The following CSMD3 variants were observed in gnomAD, a reference collection of about 807,000 sequenced individuals.
The protein encoded by CSMD3 is CUB and sushi domain-containing protein 3.
A neutral mutation model predicts 435.2 loss-of-function variants in CSMD3; 177 were observed. The ratio of observed to expected loss-of-function variants is 0.41; its 90% CI spans 0.36 to 0.46. The LOEUF (loss-of-function observed/expected upper bound fraction) is 0.46, where lower values mean the gene tolerates loss of function less well. Ranked by LOEUF, CSMD3 falls within the 20% of genes least tolerant of loss-of-function variation. CSMD3 has a pLI of 0.34. For synonymous variants in CSMD3, 1,656 were observed against 1,520.5 expected, an observed-to-expected ratio of 1.09 and a Z score of -2.07; for missense variants, 4,265 against 4,504.6, an observed-to-expected ratio of 0.95 and a Z score of 1.52.
intron 11 of CSMD3, among the ~76,000 whole-genome samples, chr8:112,853,780 T>C (rs1177152399): frequency 6.6e-6 from 1 of 152,230 alleles, no homozygotes; most frequent in African/African-American, 2.4e-5. Context: ...TTGAAAGCAA[T>C]ACTGTGCTAA....
At chr8:113,085,605 G>T (rs1303434743) in intron 5 of CSMD3, among the ~76,000 whole-genome samples, 4 of 152,096 alleles carry the variant, frequency 2.6e-5, no homozygotes, top group African/African-American at 9.7e-5. Flanking sequence ...CCATAAAAAA[G>T]AATGAAATCC....
At chr8:112,330,205 T>C (rs1389452111) in intron 45 of CSMD3, among the ~76,000 whole-genome samples, 1 of 152,128 alleles carries the variant, frequency 6.6e-6, no homozygotes, top group Non-Finnish European at 1.5e-5. Flanking sequence ...AAACACAGCA[T>C]TTATTGTAAA....
chr8:112,892,635 C>G (rs1208940696), intron 10 of CSMD3, among the ~76,000 whole-genome samples: 1 of 151,498 alleles, frequency 6.6e-6, no homozygotes, highest in Non-Finnish European at 1.5e-5. Context: ...ACTTACTGTT[C>G]TCACTGCTTG....
chr8:112,913,939 G>C (rs1587656696), intron 10 of CSMD3, among the ~76,000 whole-genome samples: 1 of 151,956 alleles, frequency 6.6e-6, no homozygotes, highest in Non-Finnish European at 1.5e-5. Flanking sequence ...GTGATATATA[G>C]TAATGCATAC....
At chr8:113,394,906 G>A (rs1170732182) in intron 1 of CSMD3, among the ~76,000 whole-genome samples, 1 of 152,132 alleles carries the variant, frequency 6.6e-6, no homozygotes, top group Admixed American at 6.5e-5. Context: ...TTTTGTCCTA[G>A]AGGACGACTG....
At chr8:113,257,087 A>C (rs2093387405) in intron 3 of CSMD3, among the ~76,000 whole-genome samples, 1 of 152,148 alleles carries the variant, frequency 6.6e-6, no homozygotes, top group East Asian at 1.9e-4. Context: ...TAAGTGTTTA[A>C]CAACTGGCTC....
intron 7 of CSMD3, among the ~76,000 whole-genome samples, chr8:112,964,580 C>T (rs193030695): frequency 6.6e-6 from 1 of 152,038 alleles, no homozygotes; most frequent in East Asian, 1.9e-4. Flanking sequence ...AAATAATCAT[C>T]TAGTCCTTTT....
intron 11 of CSMD3, among the ~76,000 whole-genome samples, chr8:112,846,966 GAGCTACTTTTCT>G (rs957225071): frequency 5.1e-4 from 77 of 152,162 alleles, no homozygotes; most frequent in African/African-American, 1.3e-3. Context: ...ATAGTGACCA[GAGCTACTTTTCT>G]TGGCTTGGGG....
chr8:112,598,355 G>C (rs200172862), intron 22 of CSMD3, among the ~76,000 whole-genome samples: 2 of 151,458 alleles, frequency 1.3e-5, no homozygotes, highest in Non-Finnish European at 2.9e-5. Context: ...ACCACTTCTC[G>C]AAGAAATAAA....
intron 13 of CSMD3, among the ~76,000 whole-genome samples, chr8:112,717,138 A>C (rs7814875): frequency 0.33 from 50,455 of 151,774 alleles, 9,236 homozygotes; most frequent in African/African-American, 0.5. Flanking sequence ...AGGCAACCTA[A>C]AAAATGGGAG....
chr8:112,868,957 G>T (rs2081058729), intron 10 of CSMD3, among the ~76,000 whole-genome samples: 1 of 152,112 alleles, frequency 6.6e-6, no homozygotes, highest in African/African-American at 2.4e-5. Context: ...TCTTGGCAAT[G>T]ATTTTTTTGA....
chr8:112,315,558 A>C (rs1204943289), intron 47 of CSMD3, among the ~76,000 whole-genome samples: 2 of 151,870 alleles, frequency 1.3e-5, no homozygotes, highest in Non-Finnish European at 2.9e-5. Flanking sequence ...GAAGTAAACC[A>C]ATATGCACCA....
At chr8:113,229,774 G>GA (rs2093064926) in intron 3 of CSMD3, among the ~76,000 whole-genome samples, 2 of 151,706 alleles carry the variant, frequency 1.3e-5, no homozygotes, top group South Asian at 4.1e-4. Context: ...CACCACCCAT[G>GA]TTTTCTCGGC....
At chr8:113,198,358 T>C (rs962794180) in intron 3 of CSMD3, among the ~76,000 whole-genome samples, 2 of 151,334 alleles carry the variant, frequency 1.3e-5, no homozygotes, top group African/African-American at 4.8e-5. Flanking sequence ...TGTGATGTAT[T>C]ATCCATGTGG....
intron 63 of CSMD3, among the ~76,000 whole-genome samples, chr8:112,251,139 A>G (rs1334150015): frequency 3.3e-5 from 5 of 151,900 alleles, no homozygotes; most frequent in Admixed American, 1.3e-4. Context: ...GTTTAACTGG[A>G]GTATCCAGCA....
chr8:112,833,669 G>A (rs2079941514), intron 11 of CSMD3, among the ~76,000 whole-genome samples: 1 of 151,146 alleles, frequency 6.6e-6, no homozygotes, highest in African/African-American at 2.5e-5. Flanking sequence ...AAGAGGGAAT[G>A]CTTCCAATAT....
intron 13 of CSMD3, among the ~76,000 whole-genome samples, chr8:112,776,877 T>A (rs1322423633): frequency 2.0e-5 from 3 of 151,770 alleles, no homozygotes; most frequent in Non-Finnish European, 4.4e-5. Context: ...AGATTAACAA[T>A]AAATATACAA....
chr8:113,290,594 C>T (rs1188494177), intron 2 of CSMD3, among the ~76,000 whole-genome samples: 3 of 151,612 alleles, frequency 2.0e-5, no homozygotes, highest in Admixed American at 6.6e-5. Context: ...AATAACATAA[C>T]ACCTCAAAAT....
Position 112,251,685 on chromosome 8 carries a change from G to A in CSMD3, c.10110+2568C>T, listed in dbSNP as rs969514305. Among the ~76,000 whole-genome samples, 57 of 151,552 alleles carry A rather than the reference G, an allele frequency of 3.8e-4. 1 individual carries two copies. The highest frequency in any genetic ancestry group is 7.4e-5 in the Non-Finnish European group (5 of 67,756). ...AATATTTTATGGTTAAATATCTTGA[G>A]GCTAAATATCTAAAGAGCCGGATTA... On this transcript the variant is annotated intron_variant, in intron 63 of 70. Transcript: ENST00000297405.
Sources: allele counts gnomAD v4.1 joint callset (sites outside exome capture counted in the v4.1 genomes callset), GRCh38; gene constraint gnomAD v4.1.1; transcripts MANE v1.5; gene names NCBI Gene and HGNC (gene_info 2026-07-23, HGNC 2026-07-21).